The following GALNT13 variants were observed in gnomAD, a reference collection of about 807,000 sequenced individuals.
GALNT13 encodes UDP-GalNAc:polypeptide N-acetylgalactosaminyltransferase 13.
Under a neutral mutation model 64.2 loss-of-function variants are expected in GALNT13, and 28 were observed. The observed-to-expected ratio is 0.44, with a 90% CI of 0.32 to 0.60. GALNT13 has a LOEUF of 0.60. Among genes scored for constraint, GALNT13 ranks in the 20% least tolerant of loss-of-function variants. The pLI, the probability that GALNT13 is intolerant of heterozygous loss-of-function variation, is 0.05. For missense variants in GALNT13, 577 were observed against 669.8 expected (o/e 0.86, Z 1.53); for synonymous variants, 214 against 224.6 (o/e 0.95, Z 0.42).
chr2:154,262,918 A>G (rs1690776802), intron 8 of GALNT13, among the ~76,000 whole-genome samples: 1 of 152,136 alleles, frequency 6.6e-6, no homozygotes, highest in African/African-American at 2.4e-5. Context: ...ATCAAAAAGT[A>G]TCCTCTATCT....
At chr2:153,119,638 T>G in the GALNT13 span, among the ~76,000 whole-genome samples, 1 of 152,240 alleles carries the variant, frequency 6.6e-6, no homozygotes, top group Admixed American at 6.5e-5. Context: ...TGTAAGGTTC[T>G]TTGAGTTTTC....
intron 11 of GALNT13, among the ~76,000 whole-genome samples, chr2:154,424,457 A>C (rs560091016): frequency 1.3e-5 from 2 of 152,302 alleles, no homozygotes; most frequent in East Asian, 3.9e-4. Context: ...AACACACAAC[A>C]GTTGCTCCCA....
At chr2:154,235,977 A>G (rs1347456558) in intron 4 of GALNT13, 7 of 784,996 alleles carry the variant, frequency 8.9e-6, no homozygotes, top group East Asian at 6.7e-5. Context: ...TGGAAATATG[A>G]TTCTGCCTCC....
the GALNT13 span, among the ~76,000 whole-genome samples, chr2:153,658,382 A>T: frequency 2.6e-5 from 4 of 152,084 alleles, no homozygotes; most frequent in African/African-American, 9.7e-5. Flanking sequence ...AGTAGCACTC[A>T]TTAGTAAGTA....
Position 154,301,691 on chromosome 2 carries a change from T to G in GALNT13, c.1156+102T>G, listed in dbSNP as rs1693449304. The G allele has an allele frequency of 5.2e-6, 4 of 770,860 alleles. No homozygotes were observed. The Admixed American group carries it at 7.4e-5, about 14-fold the overall frequency. The allele number at this position is 770,860 out of a possible 1,614,324, so 47.8% of individuals were successfully genotyped here. A position where few individuals can be genotyped will look rare whatever the true frequency, so the allele number is the denominator to read the frequency against. On this transcript the variant is annotated intron_variant, in intron 9 of 12. Coordinates refer to ENST00000392825, the MANE Select transcript of GALNT13 (RefSeq NM_052917.4). ...GCTGTTATTCTTCTAGTTAAAATAT[T>G]GTTTATTACCATAATATTGCAGAAA...
chr2:153,155,841 A>G, the GALNT13 span, among the ~76,000 whole-genome samples: 1,802 of 151,958 alleles, frequency 0.012, 35 homozygotes, highest in African/African-American at 0.04. Flanking sequence ...AAAATTTGAC[A>G]TTTTTCTAAC....
the GALNT13 span, among the ~76,000 whole-genome samples, chr2:153,088,602 AT>A: frequency 6.6e-6 from 1 of 152,166 alleles, no homozygotes; most frequent in South Asian, 2.1e-4. Flanking sequence ...TATCTCATTT[AT>A]TAGGTCTAGT....
the GALNT13 span, among the ~76,000 whole-genome samples, chr2:153,112,989 T>G: frequency 6.6e-6 from 1 of 152,058 alleles, no homozygotes; most frequent in Non-Finnish European, 1.5e-5. Context: ...TCACTAAAGT[T>G]TAGGTTCTTC....
intron 4 of GALNT13, among the ~76,000 whole-genome samples, chr2:154,219,866 A>G (rs539535498): frequency 2.6e-5 from 4 of 152,216 alleles, no homozygotes; most frequent in South Asian, 2.1e-4. Flanking sequence ...CCTTCAGTCT[A>G]TGGACATATA....
chr2:153,966,443 G>A (rs1490760489), intron 3 of GALNT13, among the ~76,000 whole-genome samples: 4 of 150,526 alleles, frequency 2.7e-5, no homozygotes, highest in African/African-American at 9.8e-5. Flanking sequence ...TCGGCTCACT[G>A]CAAGCTCCGC....
intron 4 of GALNT13, among the ~76,000 whole-genome samples, chr2:154,184,767 C>G (rs895443080): frequency 6.6e-6 from 1 of 152,074 alleles, no homozygotes; most frequent in Non-Finnish European, 1.5e-5. Flanking sequence ...TCACTTATTA[C>G]TGCAAGGACA....
chr2:154,238,567 A>T (rs1689316351), intron 4 of GALNT13, among the ~76,000 whole-genome samples: 1 of 152,042 alleles, frequency 6.6e-6, no homozygotes, highest in South Asian at 2.1e-4. Flanking sequence ...AATTCATCAG[A>T]AATAATGAAA....
the GALNT13 span, among the ~76,000 whole-genome samples, chr2:153,389,738 G>A: frequency 6.6e-6 from 1 of 152,074 alleles, no homozygotes; most frequent in Non-Finnish European, 1.5e-5. Context: ...GTGGCACCTG[G>A]TGGAGGGTAC....
At chr2:153,123,121 C>G in the GALNT13 span, among the ~76,000 whole-genome samples, 1 of 151,984 alleles carries the variant, frequency 6.6e-6, no homozygotes, top group African/African-American at 2.4e-5. Flanking sequence ...TATGAAGATA[C>G]AGAAGACACA....
the GALNT13 span, among the ~76,000 whole-genome samples, chr2:153,676,401 C>T: frequency 6.6e-6 from 1 of 151,980 alleles, no homozygotes; most frequent in Non-Finnish European, 1.5e-5. Context: ...AAGTCCAGGA[C>T]CAGACAGATT....
At chr2:153,280,691 A>G in the GALNT13 span, among the ~76,000 whole-genome samples, 2 of 152,222 alleles carry the variant, frequency 1.3e-5, no homozygotes, top group East Asian at 1.9e-4. Context: ...TTATTTGGCA[A>G]TGGTTTCTAT....
At chr2:153,884,827 ATGTG>A (rs1176473961) in intron 1 of GALNT13, among the ~76,000 whole-genome samples, 26 of 111,900 alleles carry the variant, frequency 2.3e-4, no homozygotes, top group South Asian at 3.5e-4. Flanking sequence ...GTGTATATAT[ATGTG>A]TGTGTGTGTG....
At chr2:153,188,705 G>T in the GALNT13 span, among the ~76,000 whole-genome samples, 1 of 152,144 alleles carries the variant, frequency 6.6e-6, no homozygotes, top group East Asian at 1.9e-4. Flanking sequence ...GGATAGCAGA[G>T]AGAGGCCAGA....
chr2:153,362,216 G>A, the GALNT13 span, among the ~76,000 whole-genome samples: 19 of 152,080 alleles, frequency 1.2e-4, no homozygotes, highest in African/African-American at 4.3e-4. Context: ...AGCTCCTGAA[G>A]GAAGCACTAA....
Sources: gnomAD v4.1 joint callset for allele counts (sites outside exome capture counted in the v4.1 genomes callset) on GRCh38, gnomAD v4.1.1 for gene constraint, MANE v1.5 for transcripts, NCBI Gene and HGNC (gene_info 2026-07-23, HGNC 2026-07-21) for gene names.